PLCB1: variants seen among roughly 807,000 people sequenced by gnomAD.
The protein encoded by PLCB1 is phospholipase C beta 1.
A neutral mutation model predicts 161.8 loss-of-function variants in PLCB1; 46 were observed. That is an observed-to-expected ratio of 0.28 (90% confidence interval 0.22 to 0.36). PLCB1 has a LOEUF of 0.36. Ranked by LOEUF, PLCB1 falls within the 10% of genes least tolerant of loss-of-function variation. The pLI is 1.00. For missense variants in PLCB1, 1,016 were observed against 1,472.5 expected (o/e 0.69, Z 5.07); for synonymous variants, 517 against 503.7 (o/e 1.03, Z -0.35).
At chr20:8,151,806 T>C (rs1376901217) in intron 2 of PLCB1, among the ~76,000 whole-genome samples, 3 of 152,170 alleles carry the variant, frequency 2.0e-5, no homozygotes, top group Non-Finnish European at 1.5e-5. Context: ...GTCAGTTTGA[T>C]TTTTCAACTT....
At chr20:8,194,737 A>G (rs1213601207) in intron 2 of PLCB1, among the ~76,000 whole-genome samples, 1 of 152,060 alleles carries the variant, frequency 6.6e-6, no homozygotes, top group Non-Finnish European at 1.5e-5. Flanking sequence ...AATAAACTGT[A>G]TTTACTAAGT....
intron 2 of PLCB1, among the ~76,000 whole-genome samples, chr20:8,198,134 A>G (rs540889739): frequency 7.6e-4 from 115 of 151,912 alleles, no homozygotes; most frequent in African/African-American, 2.5e-3. Flanking sequence ...GATTGACTTG[A>G]CAATGCGGGC....
intron 2 of PLCB1, among the ~76,000 whole-genome samples, chr20:8,320,426 G>A (rs965936529): frequency 6.6e-5 from 10 of 152,178 alleles, no homozygotes; most frequent in African/African-American, 2.4e-4. Flanking sequence ...AGGAAATTAG[G>A]TTCCTAGACA....
intron 31 of PLCB1, among the ~76,000 whole-genome samples, chr20:8,859,145 A>C (rs1404897403): frequency 6.6e-6 from 1 of 152,132 alleles, no homozygotes; most frequent in Non-Finnish European, 1.5e-5. Flanking sequence ...CTGATTCTTA[A>C]TTGGTTCATC....
At chr20:8,173,082 C>T (rs1463074726) in intron 2 of PLCB1, among the ~76,000 whole-genome samples, 1 of 152,174 alleles carries the variant, frequency 6.6e-6, no homozygotes, top group Non-Finnish European at 1.5e-5. Flanking sequence ...AGGCCTGGGA[C>T]TTCTCCCTCT....
At chr20:8,231,045 A>G (rs988817171) in intron 2 of PLCB1, among the ~76,000 whole-genome samples, 4 of 151,948 alleles carry the variant, frequency 2.6e-5, no homozygotes, top group Admixed American at 6.6e-5. Flanking sequence ...ATAATCTTCA[A>G]CTAATCTCTG....
chr20:8,385,437 G>A (rs1987396630), intron 3 of PLCB1, among the ~76,000 whole-genome samples: 1 of 152,202 alleles, frequency 6.6e-6, no homozygotes, highest in South Asian at 2.1e-4. Context: ...TCCCCACCCA[G>A]GGAGCTTAGC....
intron 3 of PLCB1, among the ~76,000 whole-genome samples, chr20:8,622,330 A>G (rs911186412): frequency 6.6e-6 from 1 of 152,200 alleles, no homozygotes; most frequent in Non-Finnish European, 1.5e-5. Context: ...GAATACATGA[A>G]GATTAATCAA....
intron 2 of PLCB1, among the ~76,000 whole-genome samples, chr20:8,196,231 G>A (rs1290088578): frequency 1.3e-5 from 2 of 152,104 alleles, no homozygotes; most frequent in African/African-American, 4.8e-5. Flanking sequence ...TACCACAGAA[G>A]TGATGCTGTG....
chr20:8,405,241 G>C (rs1196167541), intron 3 of PLCB1, among the ~76,000 whole-genome samples: 1 of 152,100 alleles, frequency 6.6e-6, no homozygotes, highest in African/African-American at 2.4e-5. Context: ...CATGTTTCGA[G>C]GTCATCTGGC....
intron 31 of PLCB1, among the ~76,000 whole-genome samples, chr20:8,833,996 C>T (rs930650512): frequency 6.6e-6 from 1 of 152,002 alleles, no homozygotes; most frequent in Non-Finnish European, 1.5e-5. Flanking sequence ...AAAAAAAAAT[C>T]TGATCAAAAG....
chr20:8,506,063 T>C (rs1421410499), intron 3 of PLCB1, among the ~76,000 whole-genome samples: 3 of 152,224 alleles, frequency 2.0e-5, no homozygotes, highest in African/African-American at 7.2e-5. Flanking sequence ...TTCCCCAGTT[T>C]CTGTTTTCTT....
intron 2 of PLCB1, among the ~76,000 whole-genome samples, chr20:8,295,927 A>G (rs774507640): frequency 4.6e-5 from 7 of 151,968 alleles, no homozygotes; most frequent in Non-Finnish European, 8.8e-5. Context: ...TGCCTAGGCT[A>G]GTCTCAAATT....
chr20:8,867,704 T>C (rs1568630668), intron 31 of PLCB1, among the ~76,000 whole-genome samples: 2 of 152,208 alleles, frequency 1.3e-5, no homozygotes, highest in Non-Finnish European at 2.9e-5. Context: ...TTGGGCCTTT[T>C]ATTGGACTCT....
intron 3 of PLCB1, among the ~76,000 whole-genome samples, chr20:8,558,208 A>G (rs1441226366): frequency 1.3e-5 from 2 of 151,998 alleles, no homozygotes; most frequent in South Asian, 2.1e-4. Context: ...AATTATTGAG[A>G]TGATAAATAT....
intron 3 of PLCB1, among the ~76,000 whole-genome samples, chr20:8,621,713 G>C (rs528822978): frequency 6.6e-6 from 1 of 152,250 alleles, no homozygotes; most frequent in Non-Finnish European, 1.5e-5. Flanking sequence ...TATATAAACT[G>C]CATCAAATTG....
At chr20:8,585,102 T>C (rs1283103021) in intron 3 of PLCB1, among the ~76,000 whole-genome samples, 1 of 152,200 alleles carries the variant, frequency 6.6e-6, no homozygotes. Flanking sequence ...GCCCATGCCA[T>C]GGCCAGGGTC....
chr20:8,839,729 A>G (rs1986422138), intron 31 of PLCB1, among the ~76,000 whole-genome samples: 3 of 131,228 alleles, frequency 2.3e-5, no homozygotes, highest in East Asian at 5.1e-4. Flanking sequence ...ATTTTTTAGT[A>G]ATTCTTAAAA....
chr20:8,741,978 T>C (rs751117033), intron 23 of PLCB1, among the ~76,000 whole-genome samples: 3 of 152,202 alleles, frequency 2.0e-5, no homozygotes, highest in Admixed American at 6.5e-5. Flanking sequence ...ATTTTTATAG[T>C]ACATAAAATA....
Sources: gnomAD v4.1 joint callset for allele counts (sites outside exome capture counted in the v4.1 genomes callset) on GRCh38, gnomAD v4.1.1 for gene constraint, MANE v1.5 for transcripts, NCBI Gene and HGNC (gene_info 2026-07-23, HGNC 2026-07-21) for gene names.